Variants in PTPRG observed in about 807,000 individuals in gnomAD.
The protein encoded by PTPRG is protein tyrosine phosphatase receptor type G, also known as receptor-type tyrosine-protein phosphatase gamma.
PTPRG carries 102 observed loss-of-function variants against 165.3 expected under a neutral mutation model. That is an observed-to-expected ratio of 0.62 (90% CI 0.53 to 0.73). PTPRG has a LOEUF of 0.73. Among genes scored for constraint, PTPRG ranks in the 30% least tolerant of loss-of-function variants. The pLI is 0.00. For synonymous variants in PTPRG, 675 were observed against 669.5 expected, an observed-to-expected ratio of 1.01 and a Z score of -0.13; for missense variants, 1,866 against 1,861.4, an observed-to-expected ratio of 1.00 and a Z score of -0.05.
At position 61,922,293 on chromosome 3, in the gene PTPRG, C is replaced by G. The variant is rs556410644; in HGVS notation, c.191-67332C>G. 1.6e-3 allele frequency among the ~76,000 whole-genome samples: 238 copies of G among 152,320 alleles called. 1 individual carries two copies. Among genetic ancestry groups the G allele is most frequent in the South Asian group, 5.0e-3 (24 of 4,830 alleles). ...GCCCTGCATGTTCACTTAGAAAGGT[C>G]GTTTAGTCATTCAACACACATTTCA... is the stretch of plus-strand genomic sequence containing the variant. On this transcript the variant is annotated intron_variant, in intron 2 of 29. Coordinates refer to ENST00000474889, the MANE Select transcript of PTPRG (RefSeq NM_002841.4).
chr3:61,659,495 G>GA, intron 1 of PTPRG: 1 of 964,794 alleles, frequency 1.0e-6, no homozygotes, highest in Non-Finnish European at 1.2e-6. Context: ...AGAAGAGAAG[G>GA]TAGGGGTCTG....
intron 1 of PTPRG, among the ~76,000 whole-genome samples, chr3:61,625,663 G>A (rs1314717394): frequency 2.6e-5 from 4 of 152,092 alleles, no homozygotes; most frequent in Admixed American, 6.6e-5. Context: ...TGCTGCTCTC[G>A]ATGAATTTAC....
At chr3:61,852,736 C>G (rs1415776151) in intron 2 of PTPRG, among the ~76,000 whole-genome samples, 1 of 152,098 alleles carries the variant, frequency 6.6e-6, no homozygotes, top group Non-Finnish European at 1.5e-5. Context: ...TTCACGGTGG[C>G]TATGGAGATC....
intron 16 of PTPRG, among the ~76,000 whole-genome samples, chr3:62,256,193 G>A (rs1466939042): frequency 6.6e-6 from 1 of 152,182 alleles, no homozygotes; most frequent in African/African-American, 2.4e-5. Flanking sequence ...GCAAAATGAA[G>A]TAATGGAAGG....
chr3:61,735,290 C>T (rs911484784), intron 1 of PTPRG, among the ~76,000 whole-genome samples: 27 of 151,992 alleles, frequency 1.8e-4, no homozygotes, highest in African/African-American at 6.3e-4. Flanking sequence ...CCTTGAGACT[C>T]GTATTGTGTT....
intron 7 of PTPRG, among the ~76,000 whole-genome samples, chr3:62,167,044 T>G (rs1280397105): frequency 6.6e-6 from 1 of 152,088 alleles, no homozygotes; most frequent in Non-Finnish European, 1.5e-5. Context: ...TCCTTTACTT[T>G]CCATAAAAGT....
chr3:62,092,439 GAAAAAA>G (rs55955359), intron 5 of PTPRG, among the ~76,000 whole-genome samples: 1 of 89,436 alleles, frequency 1.1e-5, no homozygotes, highest in African/African-American at 5.0e-5. Flanking sequence ...GAGTCCATCT[GAAAAAA>G]AAAAAAAAAA....
intron 4 of PTPRG, among the ~76,000 whole-genome samples, chr3:62,068,766 C>A (rs1227396752): frequency 2.6e-5 from 4 of 152,158 alleles, no homozygotes; most frequent in African/African-American, 7.2e-5. Flanking sequence ...CAAGTATATG[C>A]CTCATAGCCC....
intron 1 of PTPRG, among the ~76,000 whole-genome samples, chr3:61,605,830 C>T (rs1397964351): frequency 6.6e-6 from 1 of 152,138 alleles, no homozygotes; most frequent in African/African-American, 2.4e-5. Context: ...TGCCTCACTT[C>T]TCAAAGCAGT....
rs1433052782 is a variant in PTPRG at position 62,276,962 on chromosome 3, CAT to C, written c.3560-7_3560-6del. The C allele has an allele frequency of 6.2e-7, 1 of 1,610,738 alleles. No homozygotes were observed. Among genetic ancestry groups the C allele is most frequent in the Non-Finnish European group, 8.5e-7 (1 of 1,178,174 alleles). ...GCAAATGTGGTGTTTTTGTTTTTTCCATATGATAGCTGAGCGTGCTCGAGTGG... is the reference window on the plus strand; with the variant it reads ...GCAAATGTGGTGTTTTTGTTTTTTCCATGATAGCTGAGCGTGCTCGAGTGG... On this transcript the variant is annotated splice_region_variant and splice_polypyrimidine_tract_variant and intron_variant, in intron 24 of 29. Transcript: ENST00000474889.
chr3:62,268,908 G>T (rs764043310), intron 19 of PTPRG, 127 bp from the exon 20 acceptor site: 6 of 1,057,396 alleles, frequency 5.7e-6, no homozygotes, highest in East Asian at 2.7e-5. Flanking sequence ...TTAAACTCAC[G>T]TATTCCTTTT....
chr3:61,971,064 T>G (rs72885876), intron 2 of PTPRG, among the ~76,000 whole-genome samples: 3,869 of 152,234 alleles, frequency 0.025, 126 homozygotes, highest in African/African-American at 0.071. Context: ...ACTTCATGTC[T>G]TTTTTTCTGA....
intron 4 of PTPRG, among the ~76,000 whole-genome samples, chr3:62,032,619 T>C (rs533697725): frequency 6.6e-6 from 1 of 152,240 alleles, no homozygotes; most frequent in South Asian, 2.1e-4. Flanking sequence ...GACAGCAGGA[T>C]TTACTCCTGA....
rs116959885 is a variant in PTPRG, at chr3:61,987,646, T to C, written c.191-1979T>C. Among the ~76,000 whole-genome samples the C allele has an allele frequency of 4.3e-3, 648 of 151,996 alleles. 13 individuals carry two copies. The East Asian group carries it at 0.058, about 14-fold the overall frequency. On this transcript the variant is annotated intron_variant, in intron 2 of 29. Coordinates refer to ENST00000474889, the MANE Select transcript of PTPRG (RefSeq NM_002841.4). ...GCATGCATACATACACATATGATAT[T>C]ATGATATTAAAACATTTAGATTCCA...
At chr3:62,031,902 G>T (rs1411648352) in intron 4 of PTPRG, among the ~76,000 whole-genome samples, 1 of 152,148 alleles carries the variant, frequency 6.6e-6, no homozygotes, top group African/African-American at 2.4e-5. Context: ...GGAAGAGGAT[G>T]AATTCTGTTT....
At chr3:61,910,274 ATTTG>A (rs2038766692) in intron 2 of PTPRG, among the ~76,000 whole-genome samples, 1 of 152,178 alleles carries the variant, frequency 6.6e-6, no homozygotes, top group Admixed American at 6.6e-5. Flanking sequence ...AATTTAGTGA[ATTTG>A]TTTGTTGCCG....
At chr3:61,728,169 A>C (rs181531179) in intron 1 of PTPRG, among the ~76,000 whole-genome samples, 35 of 152,272 alleles carry the variant, frequency 2.3e-4, no homozygotes, top group African/African-American at 8.2e-4. Flanking sequence ...CATATGATTT[A>C]CTTTCTTCAC....
intron 4 of PTPRG, among the ~76,000 whole-genome samples, chr3:62,076,654 T>C (rs1701398324): frequency 1.3e-5 from 2 of 151,576 alleles, no homozygotes; most frequent in South Asian, 2.1e-4. Context: ...TGACCTCGGC[T>C]CACCGCAGCA....
chr3:61,662,224 T>TG (rs1370094837), intron 1 of PTPRG, among the ~76,000 whole-genome samples: 1 of 152,240 alleles, frequency 6.6e-6, no homozygotes, highest in East Asian at 1.9e-4. Context: ...TGTCTCCTGA[T>TG]GAACATAATA....
Sources: allele counts gnomAD v4.1 joint callset (sites outside exome capture counted in the v4.1 genomes callset), GRCh38; gene constraint gnomAD v4.1.1; transcripts MANE v1.5; gene names NCBI Gene and HGNC (gene_info 2026-07-23, HGNC 2026-07-21).